The following EFHB variants were observed in gnomAD, a reference collection of about 807,000 sequenced individuals.
EFHB encodes EF-hand domain-containing family member B.
EFHB carries 91 observed loss-of-function variants against 87.2 expected under a neutral mutation model. That is an observed-to-expected ratio of 1.04 (90% CI 0.88 to 1.24). EFHB has a LOEUF of 1.24. Among genes scored for constraint, EFHB ranks in the 50% most tolerant of loss-of-function variants. The pLI is 0.00. For missense variants in EFHB, 1,084 were observed against 998.8 expected, an observed-to-expected ratio of 1.09 and a Z score of -1.15; for synonymous variants, 325 against 333.6, an observed-to-expected ratio of 0.97 and a Z score of 0.28.
upstream of EFHB, chr3:19,936,013 A>AAC (rs1236911098): frequency 1.1e-3 from 1,119 of 1,017,704 alleles, 11 homozygotes; most frequent in African/African-American, 0.018. Flanking sequence ...CATCTCAAAA[A>AAC]AAAAAAAAAA....
At chr3:19,901,581 A>G (rs1694673097) in intron 6 of EFHB, among the ~76,000 whole-genome samples, 1 of 152,284 alleles carries the variant, frequency 6.6e-6, no homozygotes, top group South Asian at 2.1e-4. Context: ...GCGGGGGGGA[A>G]GAATGTAGGT....
At chr3:19,899,185 C>T (rs1052315302) in intron 7 of EFHB, among the ~76,000 whole-genome samples, 1 of 152,182 alleles carries the variant, frequency 6.6e-6, no homozygotes, top group African/African-American at 2.4e-5. Context: ...TCTCTGATAT[C>T]CCAGAAATAA....
chr3:19,898,837 T>G lies in EFHB; in HGVS notation c.1511A>C (p.Glu504Ala), dbSNP rs745360788. 1.2e-6 allele frequency: 2 copies of G among 1,613,760 alleles called. No homozygotes were observed. The highest frequency in any genetic ancestry group is 1.7e-6 in the Non-Finnish European group (2 of 1,179,772). ...KLGRVLDPIAETMNVPPDCTF... is the reference protein window; with the variant it reads ...KLGRVLDPIAATMNVPPDCTF... ...GCAGTCTGGGGGAACATTCATTGTT[T>G]CTGCAATGCTATCAAAGAAAACAAA... Residue 504 changes from glutamate (E) to alanine (A), a missense_variant, in exon 8 of 13, where the codon GAA (glutamate) becomes GCA (alanine). Physicochemically the swap from Glu to Ala is moderately radical, Grantham distance 107. Coordinates refer to ENST00000295824, the MANE Select transcript of EFHB (RefSeq NM_144715.4).
At position 19,888,474 on chromosome 3, in the gene EFHB, T is replaced by C; in HGVS notation, c.1903A>G (p.Lys635Glu). Residue 635 changes from lysine to glutamate, a missense_variant, in exon 10 of 13, where the codon AAA (lysine) becomes GAA (glutamate). Coordinates refer to ENST00000295824, the MANE Select transcript of EFHB (RefSeq NM_144715.4). Reference protein sequence around the residue: ...FLNWKDKMLLKEYEERVIIKG... With the variant: ...FLNWKDKMLLEEYEERVIIKG... ...ATAATGACCCTCTCTTCATACTCTTTAAGAAGCATTTTGTCTTTCCAGTTA... is the reference window on the plus strand; with the variant it reads ...ATAATGACCCTCTCTTCATACTCTTCAAGAAGCATTTTGTCTTTCCAGTTA... The C allele has an allele frequency of 6.4e-7, 1 of 1,564,878 alleles. No homozygotes were observed. The highest frequency in any genetic ancestry group is 8.7e-7 in the Non-Finnish European group (1 of 1,152,412).
In EFHB at chr3:19,917,197, C is replaced by T. The variant is rs1695262445; in HGVS notation, c.1177+1035G>A. Among the ~76,000 whole-genome samples, 3 of 150,272 alleles carry T rather than the reference C, an allele frequency of 2.0e-5. No homozygotes were observed. The South Asian group carries it at 6.3e-4, about 32-fold the overall frequency. ...ACCAGCCTGGAAACATGGTGAGACC[C>T]CAGCCTCTATATAAATATAAATATA... On this transcript the variant is annotated intron_variant, in intron 4 of 12. Coordinates refer to ENST00000295824, the MANE Select transcript of EFHB (RefSeq NM_144715.4).
chr3:19,910,031 C>T (rs1285192731), intron 5 of EFHB, among the ~76,000 whole-genome samples: 1 of 151,862 alleles, frequency 6.6e-6, no homozygotes, highest in African/African-American at 2.4e-5. Flanking sequence ...ACATTACCAG[C>T]TGTGGTAGCT....
At chr3:19,914,981 G>A (rs975089018) in intron 5 of EFHB, among the ~76,000 whole-genome samples, 4 of 151,846 alleles carry the variant, frequency 2.6e-5, no homozygotes, top group South Asian at 2.1e-4. Flanking sequence ...AGTCTCAGCT[G>A]TTCAGGAGGC....
At chr3:19,893,076 G>A (rs947814472) in intron 9 of EFHB, among the ~76,000 whole-genome samples, 1 of 151,626 alleles carries the variant, frequency 6.6e-6, no homozygotes, top group Non-Finnish European at 1.5e-5. Flanking sequence ...TCAGCTTCCC[G>A]AGTAGCTAGG....
intron 6 of EFHB, among the ~76,000 whole-genome samples, 199 bp downstream of exon 6, chr3:19,905,421 C>A (rs1213999222): frequency 1.3e-5 from 2 of 151,832 alleles, no homozygotes; most frequent in African/African-American, 4.8e-5. Flanking sequence ...AAAAAAGTAT[C>A]ATTTTTACCT....
At position 19,933,664 on chromosome 3, in the gene EFHB, C is replaced by T. The variant is rs1379233603; in HGVS notation, c.355G>A (p.Gly119Arg). The T allele has an allele frequency of 6.2e-7, 1 of 1,614,040 alleles. No homozygotes were observed. Among genetic ancestry groups the T allele is most frequent in the African/African-American group, 1.3e-5 (1 of 75,056 alleles). ...MGLENESLLA[G>R]YTHERIIQPP... ...TGTATTATCCGTTCATGGGTATATC[C>T]TGCAAGAAGACTCTCATTTTCTAAC... The change falls in exon 1 of 13, where the codon GGA becomes AGA. Residue 119 changes from glycine to arginine, a missense_variant. Transcript: ENST00000295824.
At chr3:19,903,705 G>A (rs950724783) in intron 6 of EFHB, among the ~76,000 whole-genome samples, 1 of 152,008 alleles carries the variant, frequency 6.6e-6, no homozygotes, top group Non-Finnish European at 1.5e-5. Context: ...AATAATTCGA[G>A]TATCAGAAAC....
intron 1 of EFHB, among the ~76,000 whole-genome samples, chr3:19,929,708 C>CAAAAAAAAA (rs34016968): frequency 2.5e-5 from 2 of 79,812 alleles, no homozygotes; most frequent in Non-Finnish European, 2.3e-5. Context: ...GACTCCATCT[C>CAAAAAAAAA]AAAAAAAAAA....
chr3:19,934,196 C>T lies in EFHB; in HGVS notation c.-178G>A. On this transcript the variant is annotated 5_prime_UTR_variant, in exon 1 of 13. Transcript: ENST00000295824. ...CTGCCTCTTAACACCTAGCCGAGTT[C>T]ACAGAGGAAAAGATGGAGTCTGTTT... is the stretch of plus-strand genomic sequence containing the variant. 1.4e-6 allele frequency: 2 copies of T among 1,438,982 alleles called. No homozygotes were observed. Among genetic ancestry groups the T allele is most frequent in the South Asian group, 1.5e-5 (1 of 65,806 alleles). The allele number at this position is 1,438,982 out of a possible 1,614,324, so 89.1% of individuals were successfully genotyped here.
chr3:19,889,020 A>G (rs1247898955), intron 9 of EFHB, among the ~76,000 whole-genome samples: 2 of 152,230 alleles, frequency 1.3e-5, no homozygotes, highest in Non-Finnish European at 2.9e-5. Flanking sequence ...GGTGGGTTCA[A>G]AGACAGTGGT....
intron 9 of EFHB, among the ~76,000 whole-genome samples, 156 bp from the exon 10 acceptor site, chr3:19,888,807 C>T (rs1407559804): frequency 6.6e-6 from 1 of 152,192 alleles, no homozygotes; most frequent in Non-Finnish European, 1.5e-5. Flanking sequence ...GCTGGTTAGA[C>T]CGTGGTAGAG....
Position 19,919,950 on chromosome 3 carries a change from C to G in EFHB, c.879G>C (p.Lys293Asn), listed in dbSNP as rs763513119. The G allele has an allele frequency of 2.5e-6, 4 of 1,613,604 alleles. No individual in the cohort carries two copies. Among genetic ancestry groups the G allele is most frequent in the Non-Finnish European group, 3.4e-6 (4 of 1,179,762 alleles). The change falls in exon 3 of 13, where the codon AAG becomes AAC. Residue 293 changes from lysine (K) to asparagine (N), a missense_variant. Transcript: ENST00000295824. The part of the protein sequence containing the change: ...PRLITPPEAK[K>N]YFNFRYPPAG... The stretch of plus-strand genomic sequence containing the variant: ...CAGGTGGATATCTGAAGTTGAAATA[C>G]TTTTTTGCTTCAGGTGGAGTAATTA...
chr3:19,938,526 G>T (rs981669906), upstream of EFHB, among the ~76,000 whole-genome samples: 13 of 152,090 alleles, frequency 8.5e-5, no homozygotes, highest in African/African-American at 3.1e-4. Flanking sequence ...AGATATATGG[G>T]TGTTCACAGT....
chr3:19,935,390 T>C (rs894904051), upstream of EFHB, among the ~76,000 whole-genome samples: 1 of 152,148 alleles, frequency 6.6e-6, no homozygotes, highest in African/African-American at 2.4e-5. Context: ...TCTACACATA[T>C]AGGATATGAA....
chr3:19,912,763 G>C (rs979147317), intron 5 of EFHB, among the ~76,000 whole-genome samples: 1 of 152,070 alleles, frequency 6.6e-6, no homozygotes, highest in Non-Finnish European at 1.5e-5. Context: ...ATTTTTCTTT[G>C]TTGTTTGTTT....
Sources: allele counts gnomAD v4.1 joint callset (sites outside exome capture counted in the v4.1 genomes callset), GRCh38; gene constraint gnomAD v4.1.1; transcripts MANE v1.5; gene names NCBI Gene and HGNC (gene_info 2026-07-23, HGNC 2026-07-21).